Variants in UBAP2 observed in about 807,000 individuals in gnomAD.
UBAP2 encodes the protein ubiquitin-associated protein 2.
In UBAP2, 75 loss-of-function variants were observed where a neutral mutation model predicts 139.6. The observed-to-expected ratio is 0.54, with a 90% CI of 0.45 to 0.65. The LOEUF is 0.65. UBAP2 is among the 30% of genes least tolerant of loss of function. The probability of loss-of-function intolerance (pLI) is 0.00; values close to 1 mark genes in which losing one functional copy is unlikely to be tolerated. For missense variants in UBAP2, 1,368 were observed against 1,369.6 expected (o/e 1.00, Z 0.02); for synonymous variants, 526 against 526.2 (o/e 1.00, Z 0.01).
At chr9:34,005,269 A>G (rs1369686316) in intron 2 of UBAP2, among the ~76,000 whole-genome samples, 1 of 150,216 alleles carries the variant, frequency 6.7e-6, no homozygotes, top group African/African-American at 2.5e-5. Context: ...TCTCAAGAAA[A>G]AAAAAAAAAA....
At chr9:33,931,850 C>T (rs2130881336) in intron 19 of UBAP2, among the ~76,000 whole-genome samples, 1 of 152,266 alleles carries the variant, frequency 6.6e-6, no homozygotes, top group South Asian at 2.1e-4. Flanking sequence ...CAACCTCGCC[C>T]AACACCTCCT....
At chr9:33,954,301 C>CACACACACACACATAT (rs1554682975) in intron 11 of UBAP2, among the ~76,000 whole-genome samples, 2 of 146,646 alleles carry the variant, frequency 1.4e-5, no homozygotes, top group Non-Finnish European at 3.0e-5. Flanking sequence ...CACACACACA[C>CACACACACACACATAT]GCCCATATAA....
intron 2 of UBAP2, among the ~76,000 whole-genome samples, chr9:34,016,561 TA>T (rs1344631675): frequency 3.3e-5 from 5 of 151,800 alleles, no homozygotes; most frequent in Admixed American, 2.0e-4. Context: ...TTATTTATTT[TA>T]TTTTTTTTTT....
intron 12 of UBAP2, among the ~76,000 whole-genome samples, chr9:33,952,250 C>T (rs1587551284): frequency 6.6e-6 from 1 of 152,330 alleles, no homozygotes; most frequent in Non-Finnish European, 1.5e-5. Context: ...CAGCTCAGAA[C>T]TTCCTGTAGT....
At chr9:34,017,016 G>GAA (rs540841825) in intron 2 of UBAP2, 34 bp downstream of exon 2, 8 of 1,281,462 alleles carry the variant, frequency 6.2e-6, no homozygotes, top group Admixed American at 2.9e-5. Context: ...AGAAAAAAAA[G>GAA]GAAAAAAAAA....
chr9:33,966,227 C>T (rs530865061), intron 8 of UBAP2, among the ~76,000 whole-genome samples: 1 of 151,264 alleles, frequency 6.6e-6, no homozygotes, highest in South Asian at 2.1e-4. Context: ...GTGGGCAGAT[C>T]ACTTGAGGTC....
At chr9:33,962,098 G>A (rs1463039931) in intron 9 of UBAP2, among the ~76,000 whole-genome samples, 1 of 152,142 alleles carries the variant, frequency 6.6e-6, no homozygotes, top group Non-Finnish European at 1.5e-5. Context: ...GAGAAAGCTT[G>A]ATGGCGAAGA....
intron 17 of UBAP2, among the ~76,000 whole-genome samples, 174 bp from the exon 18 acceptor site, chr9:33,933,802 A>G (rs1034695508): frequency 6.6e-6 from 1 of 152,212 alleles, no homozygotes; most frequent in Non-Finnish European, 1.5e-5. Flanking sequence ...TTTGTCTGTC[A>G]AACAACACTA....
chr9:33,976,445 T>G (rs1161507986), intron 6 of UBAP2, among the ~76,000 whole-genome samples: 1 of 152,198 alleles, frequency 6.6e-6, no homozygotes, highest in African/African-American at 2.4e-5. Context: ...AGACCACATA[T>G]TATACAATTC....
chr9:34,038,143 GAAAAAAAAAAAA>G (rs78650365), intron 1 of UBAP2, among the ~76,000 whole-genome samples: 4 of 127,244 alleles, frequency 3.1e-5, no homozygotes, highest in Non-Finnish European at 4.9e-5. Flanking sequence ...TCCAGCCTGG[GAAAAAAAAAAAA>G]AAAAAAAAAA....
intron 9 of UBAP2, among the ~76,000 whole-genome samples, chr9:33,962,916 T>C (rs1388711480): frequency 3.3e-5 from 5 of 150,430 alleles, no homozygotes; most frequent in South Asian, 2.1e-4. Flanking sequence ...GAGGTGGAGG[T>C]TGCAGTGAGC....
chr9:33,927,507 G>T (rs1823552442), intron 20 of UBAP2, among the ~76,000 whole-genome samples: 1 of 152,194 alleles, frequency 6.6e-6, no homozygotes, highest in Admixed American at 6.5e-5. Context: ...TGCAGTCGTG[G>T]AGCCCACCAT....
chr9:33,943,622 A>T, intron 14 of UBAP2, 33 bp from the exon 15 acceptor site: 1 of 1,610,956 alleles, frequency 6.2e-7, no homozygotes, highest in Admixed American at 1.7e-5. Flanking sequence ...TCAGGAACAG[A>T]GGTCACAGAT....
chr9:34,043,559 G>C (rs1231158388), intron 1 of UBAP2, among the ~76,000 whole-genome samples: 1 of 151,148 alleles, frequency 6.6e-6, no homozygotes, highest in Non-Finnish European at 1.5e-5. Flanking sequence ...CCAAGCTGGA[G>C]TGCAATGGCA....
chr9:33,956,317 ATTTTTTTT>A (rs55858327), intron 10 of UBAP2, among the ~76,000 whole-genome samples, 171 bp from the exon 11 acceptor site: 3 of 134,024 alleles, frequency 2.2e-5, no homozygotes, highest in African/African-American at 8.5e-5. Context: ...AGTGAATGCA[ATTTTTTTT>A]TTTTTTTTTT....
intron 12 of UBAP2, among the ~76,000 whole-genome samples, 190 bp downstream of exon 12, chr9:33,953,095 C>A (rs567719583): frequency 6.6e-6 from 1 of 152,314 alleles, no homozygotes; most frequent in African/African-American, 2.4e-5. Flanking sequence ...GTTTCAAACT[C>A]CTGGGTTCAA....
intron 2 of UBAP2, chr9:34,011,723 A>G: frequency 1.1e-6 from 1 of 870,684 alleles, no homozygotes; most frequent in Non-Finnish European, 1.4e-6. Flanking sequence ...AAACAAGGTC[A>G]GTGCACCCTC....
intron 1 of UBAP2, among the ~76,000 whole-genome samples, chr9:34,029,513 G>A (rs921229306): frequency 6.8e-6 from 1 of 147,950 alleles, no homozygotes; most frequent in African/African-American, 2.5e-5. Flanking sequence ...TGGACAACAA[G>A]AGCAAAACTT....
intron 6 of UBAP2, among the ~76,000 whole-genome samples, chr9:33,983,958 C>G (rs969045136): frequency 2.0e-5 from 3 of 151,554 alleles, no homozygotes; most frequent in Non-Finnish European, 2.9e-5. Context: ...GTCACACAGG[C>G]TAGAGTGCAA....
Sources: gnomAD v4.1 joint callset for allele counts (sites outside exome capture counted in the v4.1 genomes callset) on GRCh38, gnomAD v4.1.1 for gene constraint, MANE v1.5 for transcripts, NCBI Gene and HGNC (gene_info 2026-07-23, HGNC 2026-07-21) for gene names.